The following HPCAL1 variants were observed in gnomAD, a reference collection of about 807,000 sequenced individuals.
The protein encoded by HPCAL1 is hippocalcin like 1, also known as hippocalcin-like protein 1.
Under a neutral mutation model 17.1 loss-of-function variants are expected in HPCAL1, and 8 were observed. The ratio of observed to expected loss-of-function variants is 0.47; its 90% CI spans 0.27 to 0.84. The LOEUF is 0.84. Ranked by LOEUF, HPCAL1 falls within the 40% of genes least tolerant of loss-of-function variation. The pLI is 0.13. For synonymous variants in HPCAL1, 112 were observed against 111.4 expected, an observed-to-expected ratio of 1.01 and a Z score of -0.03; for missense variants, 165 against 271.1, an observed-to-expected ratio of 0.61 and a Z score of 2.75.
intron 1 of HPCAL1, among the ~76,000 whole-genome samples, chr2:10,320,032 C>T (rs1572630153): frequency 6.6e-6 from 1 of 152,062 alleles, no homozygotes; most frequent in South Asian, 2.1e-4. Context: ...CTTGCTCCTG[C>T]AGCCCCCCGA....
intron 1 of HPCAL1, among the ~76,000 whole-genome samples, chr2:10,305,605 A>G (rs1662570504): frequency 6.6e-6 from 1 of 152,270 alleles, no homozygotes; most frequent in African/African-American, 2.4e-5. Context: ...TTGGAATCCA[A>G]TAAATGGAAG....
chr2:10,318,167 C>T (rs993474996), intron 1 of HPCAL1, among the ~76,000 whole-genome samples: 3 of 152,110 alleles, frequency 2.0e-5, no homozygotes, highest in African/African-American at 7.2e-5. Context: ...CTTTACACTT[C>T]CTAGGACTTG....
At chr2:10,420,208 G>GGTT in intron 3 of HPCAL1, 73 bp downstream of exon 3, 123 of 733,928 alleles carry the variant, frequency 1.7e-4, no homozygotes, top group Non-Finnish European at 2.0e-4. Flanking sequence ...CCAGCCCAGG[G>GGTT]CTTTTTTTTT....
At chr2:10,400,489 GCCAGGCCGTGGATC>G (rs1191730017) in intron 2 of HPCAL1, among the ~76,000 whole-genome samples, 1 of 152,214 alleles carries the variant, frequency 6.6e-6, no homozygotes, top group Non-Finnish European at 1.5e-5. Context: ...TCTAGTGCTG[GCCAGGCCGTGGATC>G]CCAGGCGGGC....
chr2:10,376,265 C>A (rs1667552571), intron 1 of HPCAL1, among the ~76,000 whole-genome samples: 1 of 152,184 alleles, frequency 6.6e-6, no homozygotes, highest in African/African-American at 2.4e-5. Context: ...TGCAAACAGA[C>A]TAACACATTA....
intron 1 of HPCAL1, among the ~76,000 whole-genome samples, chr2:10,381,146 AGGTGTGCAGGTGCC>A (rs1667917040): frequency 6.6e-6 from 1 of 152,196 alleles, no homozygotes; most frequent in Non-Finnish European, 1.5e-5. Flanking sequence ...GCCCGGTCTG[AGGTGTGCAGGTGCC>A]CCTGAGGTGG....
chr2:10,380,573 A>G (rs1667876964), intron 1 of HPCAL1, among the ~76,000 whole-genome samples: 1 of 152,204 alleles, frequency 6.6e-6, no homozygotes, highest in Admixed American at 6.5e-5. Flanking sequence ...ACCTTCCTGC[A>G]GGGCTGAGCT....
chr2:10,357,564 T>G (rs1195857234), intron 1 of HPCAL1, among the ~76,000 whole-genome samples: 1 of 151,476 alleles, frequency 6.6e-6, no homozygotes, highest in Non-Finnish European at 1.5e-5. Context: ...CTCCGCGGAG[T>G]GTGTTAGGAA....
intron 2 of HPCAL1, among the ~76,000 whole-genome samples, chr2:10,409,084 GT>G (rs1024677046): frequency 2.0e-5 from 3 of 151,898 alleles, no homozygotes; most frequent in East Asian, 1.9e-4. Context: ...ATTTTATGTT[GT>G]TTTTTTTCAT....
At chr2:10,410,937 C>T (rs1449856539) in intron 2 of HPCAL1, among the ~76,000 whole-genome samples, 1 of 151,506 alleles carries the variant, frequency 6.6e-6, no homozygotes, top group African/African-American at 2.4e-5. Flanking sequence ...TCCCCCCGCC[C>T]CCCGTTTCTT....
chr2:10,382,641 G>A (rs552399159), intron 1 of HPCAL1, among the ~76,000 whole-genome samples: 6 of 150,148 alleles, frequency 4.0e-5, no homozygotes, highest in South Asian at 2.1e-4. Context: ...AAAGCACTGC[G>A]TGGAGGGCCA....
In HPCAL1 at chr2:10,365,324, C is replaced by T. The variant is rs939463069; in HGVS notation, c.-110-31511C>T. Among the ~76,000 whole-genome samples the T allele has an allele frequency of 2.6e-5, 4 of 152,134 alleles. No individual in the cohort carries two copies. The highest frequency in any genetic ancestry group is 2.1e-4 in the South Asian group (1 of 4,824). On this transcript the variant is annotated intron_variant, in intron 1 of 4. Transcript: ENST00000307845. This position sits in a 1 kb window ranked among gnomAD's most constrained non-coding sequence, Gnocchi z 4.8. ...GTGCACCTGCCTCCAGGTGGTGGCGCGGTAATTGCAAGAGCGTGAGCCCCT... is the reference window on the plus strand; with the variant it reads ...GTGCACCTGCCTCCAGGTGGTGGCGTGGTAATTGCAAGAGCGTGAGCCCCT...
At chr2:10,424,426 C>T (rs528646872) in intron 4 of HPCAL1, 15 of 457,854 alleles carry the variant, frequency 3.3e-5, no homozygotes, top group East Asian at 7.1e-5. Context: ...ATGGTGAATC[C>T]GGTCCCATGG....
chr2:10,396,690 C>CGGGAGCCA (rs1261367865), intron 1 of HPCAL1, 145 bp from the exon 2 acceptor site: 2 of 152,204 alleles, frequency 1.3e-5, no homozygotes, highest in Non-Finnish European at 2.9e-5. Flanking sequence ...GGCCGGAGGC[C>CGGGAGCCA]GGGAGCCAGG....
chr2:10,334,725 A>G (rs6734926), intron 1 of HPCAL1, among the ~76,000 whole-genome samples: 24,786 of 142,812 alleles, frequency 0.17, 3,057 homozygotes, highest in African/African-American at 0.3. Flanking sequence ...TCGCTCTGTT[A>G]CCCAGGCTGG....
intron 1 of HPCAL1, among the ~76,000 whole-genome samples, chr2:10,386,050 T>C (rs940734005): frequency 6.6e-6 from 1 of 152,178 alleles, no homozygotes; most frequent in Non-Finnish European, 1.5e-5. Flanking sequence ...GACTTGCGTG[T>C]GACAAGCTGA....
chr2:10,413,115 G>A (rs1305789638), intron 2 of HPCAL1, among the ~76,000 whole-genome samples: 1 of 152,194 alleles, frequency 6.6e-6, no homozygotes, highest in Non-Finnish European at 1.5e-5. Context: ...GAGAACAGAT[G>A]CAGAAACAGA....
Position 10,420,151 on chromosome 2 carries a change from G to A in HPCAL1, c.378+16G>A. On this transcript the variant is annotated intron_variant, in intron 3 of 4. Transcript: ENST00000307845. ...GATCGTGCAGGTACCGGCGCCCGAG[G>A]CCCCGGGTCTCACCGCGGGCCCAGG... 1 of 1,591,342 alleles carries A rather than the reference G, an allele frequency of 6.3e-7. No homozygotes were observed. Among genetic ancestry groups the A allele is most frequent in the Non-Finnish European group, 8.6e-7 (1 of 1,166,204 alleles).
Position 10,427,088 on chromosome 2 carries a change from C to G in HPCAL1, c.*267C>G, listed in dbSNP as rs752490455. The G allele has an allele frequency of 2.1e-6, 1 of 465,422 alleles. No individual in the cohort carries two copies. Among genetic ancestry groups the G allele is most frequent in the Non-Finnish European group, 3.9e-6 (1 of 254,078 alleles). 28.8% of individuals were successfully genotyped at this position (465,422 alleles called of 1,614,324 possible). On this transcript the variant is annotated 3_prime_UTR_variant, in exon 5 of 5. Transcript: ENST00000307845. ...GGGTTCAAGTGTTCTTGGTTCCAGGCACCTCCCGGCTCACGGGGAGCTCAG... is the reference window on the plus strand; with the variant it reads ...GGGTTCAAGTGTTCTTGGTTCCAGGGACCTCCCGGCTCACGGGGAGCTCAG...
Sources: gnomAD v4.1 joint callset for allele counts (sites outside exome capture counted in the v4.1 genomes callset) on GRCh38, gnomAD v4.1.1 for gene constraint, Gnocchi (gnomAD v3.1) non-coding constraint, MANE v1.5 for transcripts, NCBI Gene and HGNC (gene_info 2026-07-23, HGNC 2026-07-21) for gene names.